SHANK2: variants seen among roughly 807,000 people sequenced by gnomAD.
SHANK2 encodes the protein SH3 and multiple ankyrin repeat domains 2.
In SHANK2, 43 loss-of-function variants were observed where a neutral mutation model predicts 133.7. The ratio of observed to expected loss-of-function variants is 0.32; its 90% CI spans 0.25 to 0.41. The LOEUF (loss-of-function observed/expected upper bound fraction) is 0.41. SHANK2 is among the 10% of genes least tolerant of loss of function. The pLI is 1.00. For missense variants in SHANK2, 1,994 were observed against 2,235.8 expected (o/e 0.89, Z 2.18); for synonymous variants, 1,017 against 952.8 (o/e 1.07, Z -1.24).
intron 14 of SHANK2, among the ~76,000 whole-genome samples, chr11:70,746,493 C>T (rs111247599): frequency 0.028 from 4,040 of 143,458 alleles, 86 homozygotes; most frequent in Non-Finnish European, 0.039. Context: ...TCCTTCAGGG[C>T]GGGGGATGCG....
intron 17 of SHANK2, among the ~76,000 whole-genome samples, chr11:70,514,657 A>G (rs1554969727): frequency 6.6e-6 from 1 of 152,238 alleles, no homozygotes; most frequent in African/African-American, 2.4e-5. Context: ...TTTGAACTCT[A>G]AGTAGACTAT....
intron 8 of SHANK2, among the ~76,000 whole-genome samples, chr11:71,082,303 G>A (rs1212401930): frequency 6.6e-6 from 1 of 152,204 alleles, no homozygotes; most frequent in East Asian, 1.9e-4. Context: ...GGTCACTGCG[G>A]TGCCTGAACA....
chr11:71,141,942 C>T (rs781866236), intron 3 of SHANK2, among the ~76,000 whole-genome samples: 57 of 151,542 alleles, frequency 3.8e-4, no homozygotes, highest in Non-Finnish European at 7.6e-4. Flanking sequence ...GCAAGAAAGA[C>T]GGCATGCAAA....
At chr11:70,671,272 C>T (rs1346984330) in intron 15 of SHANK2, among the ~76,000 whole-genome samples, 1 of 152,028 alleles carries the variant, frequency 6.6e-6, no homozygotes, top group Non-Finnish European at 1.5e-5. Context: ...ACGGAAACGT[C>T]GTCTAGGAGG....
chr11:70,614,645 A>G (rs1276973391), intron 17 of SHANK2, among the ~76,000 whole-genome samples: 2 of 152,208 alleles, frequency 1.3e-5, no homozygotes, highest in Non-Finnish European at 2.9e-5. Context: ...CCTAAGAAAT[A>G]AGTACAAGCA....
At chr11:71,173,805 G>T (rs1426295651) in intron 2 of SHANK2, among the ~76,000 whole-genome samples, 2 of 152,224 alleles carry the variant, frequency 1.3e-5, no homozygotes, top group Admixed American at 6.5e-5. Context: ...TGATACAGAG[G>T]CAAAGACAGG....
chr11:70,756,472 G>A (rs1358054187), intron 14 of SHANK2, among the ~76,000 whole-genome samples: 4 of 152,168 alleles, frequency 2.6e-5, no homozygotes, highest in Non-Finnish European at 4.4e-5. Flanking sequence ...CTGGCACAGA[G>A]CACACCCTCT....
At position 71,242,214 on chromosome 11, in the gene SHANK2, C is replaced by T. The variant is rs1038608921; in HGVS notation, c.-113+10211G>A. Among the ~76,000 whole-genome samples, 22 of 152,046 alleles carry T rather than the reference C, an allele frequency of 1.4e-4. No individual in the cohort carries two copies. In the South Asian group the frequency reaches 1.9e-3, roughly 13 times the overall value. On this transcript the variant is annotated intron_variant, in intron 1 of 25. Coordinates refer to ENST00000601538, the MANE Select transcript of SHANK2 (RefSeq NM_012309.5). Reference sequence around the variant, plus strand: ...AAGAGACAGAAAACAGACTGGTGGTCGCCAGGGGCTGGGAGAAGGGGGCTG... The same window carrying T: ...AAGAGACAGAAAACAGACTGGTGGTTGCCAGGGGCTGGGAGAAGGGGGCTG...
intron 17 of SHANK2, among the ~76,000 whole-genome samples, chr11:70,585,738 GCCAT>G (rs139409521): frequency 5.3e-5 from 8 of 149,960 alleles, no homozygotes; most frequent in African/African-American, 2.0e-4. Context: ...CATCCAACTA[GCCAT>G]CCATCCATCC....
Position 70,597,209 on chromosome 11 carries a change from A to C in SHANK2, c.2061+62619T>G, listed in dbSNP as rs143204306. Among the ~76,000 whole-genome samples, 962 of 151,918 alleles carry C rather than the reference A, an allele frequency of 6.3e-3. 10 individuals are homozygous for C. The highest frequency in any genetic ancestry group is 0.021 in the African/African-American group (855 of 41,428). On this transcript the variant is annotated intron_variant, in intron 17 of 25. Coordinates refer to ENST00000601538, the MANE Select transcript of SHANK2 (RefSeq NM_012309.5). ...TCCTGGCACTCATGCCAGGCTCAGC[A>C]CCCGCCGCCAGGGGAAACTCCTCCC... is the stretch of plus-strand genomic sequence containing the variant.
chr11:70,760,066 G>C (rs1383049758), intron 14 of SHANK2, among the ~76,000 whole-genome samples: 2 of 152,234 alleles, frequency 1.3e-5, no homozygotes, highest in African/African-American at 2.4e-5. Context: ...TTACGTTCCT[G>C]CTTCACCTTT....
At chr11:71,125,543 G>A (rs1555102476) in intron 3 of SHANK2, among the ~76,000 whole-genome samples, 2 of 152,318 alleles carry the variant, frequency 1.3e-5, no homozygotes, top group East Asian at 1.9e-4. Flanking sequence ...TGAGAGAGGT[G>A]AGGAAGCTGC....
At chr11:70,726,088 G>A (rs782544110) in intron 14 of SHANK2, among the ~76,000 whole-genome samples, 6 of 152,210 alleles carry the variant, frequency 3.9e-5, no homozygotes, top group Non-Finnish European at 7.3e-5. Context: ...GTTTCTCAGA[G>A]CTGTACTTGG....
chr11:71,184,680 C>T (rs1953636031), intron 2 of SHANK2, among the ~76,000 whole-genome samples: 1 of 152,218 alleles, frequency 6.6e-6, no homozygotes, highest in Admixed American at 6.5e-5. Flanking sequence ...TGGCAGCAAC[C>T]TCACTGTCTG....
At chr11:71,223,398 T>C (rs1399627492) in intron 2 of SHANK2, among the ~76,000 whole-genome samples, 11 of 152,208 alleles carry the variant, frequency 7.2e-5, no homozygotes, top group Non-Finnish European at 1.6e-4. Flanking sequence ...CATGCGCACA[T>C]TGGAAATATT....
At chr11:70,897,527 C>T (rs546536255) in intron 10 of SHANK2, among the ~76,000 whole-genome samples, 3 of 152,312 alleles carry the variant, frequency 2.0e-5, no homozygotes, top group East Asian at 3.9e-4. Flanking sequence ...TTCAAATTGG[C>T]CAACCTCATA....
At chr11:70,693,005 G>A (rs1038546871) in intron 15 of SHANK2, among the ~76,000 whole-genome samples, 5 of 152,100 alleles carry the variant, frequency 3.3e-5, no homozygotes, top group Non-Finnish European at 5.9e-5. Flanking sequence ...AGCTCCTCCC[G>A]GCAAAAACGA....
intron 17 of SHANK2, among the ~76,000 whole-genome samples, chr11:70,539,176 G>T (rs2059581772): frequency 6.6e-6 from 1 of 152,170 alleles, no homozygotes; most frequent in Non-Finnish European, 1.5e-5. Flanking sequence ...AGAGGGAGAG[G>T]CCGGATGGCA....
intron 1 of SHANK2, among the ~76,000 whole-genome samples, chr11:71,238,112 C>T (rs572930076): frequency 1.1e-4 from 16 of 152,318 alleles, no homozygotes; most frequent in Admixed American, 3.3e-4. Flanking sequence ...TGCTGCTGGG[C>T]ACCCCATCAT....
Sources: allele counts gnomAD v4.1 joint callset (sites outside exome capture counted in the v4.1 genomes callset), GRCh38; gene constraint gnomAD v4.1.1; transcripts MANE v1.5; gene names NCBI Gene and HGNC (gene_info 2026-07-23, HGNC 2026-07-21).